The following CACNA1G variants were observed in gnomAD, a reference collection of about 807,000 sequenced individuals.
CACNA1G encodes the protein calcium voltage-gated channel subunit alpha1 G, also known as voltage-dependent T-type calcium channel subunit alpha-1G.
Under a neutral mutation model 219.4 loss-of-function variants are expected in CACNA1G, and 67 were observed. The observed-to-expected ratio is 0.31, with a 90% CI of 0.25 to 0.37. The LOEUF (loss-of-function observed/expected upper bound fraction) is 0.37, where lower values mean the gene tolerates loss of function less well. CACNA1G is among the 10% of genes least tolerant of loss of function. The pLI is 1.00. For synonymous variants in CACNA1G, 1,296 were observed against 1,345.3 expected, an observed-to-expected ratio of 0.96 and a Z score of 0.80; for missense variants, 2,380 against 3,231.4, an observed-to-expected ratio of 0.74 and a Z score of 6.39.
chr17:50,593,310 G>A (rs1171150597), intron 13 of CACNA1G, among the ~76,000 whole-genome samples: 1 of 152,232 alleles, frequency 6.6e-6, no homozygotes, highest in African/African-American at 2.4e-5. Context: ...AGTGAGGACC[G>A]GGCCCCCTGG....
chr17:50,618,044 C>T lies in CACNA1G; in HGVS notation c.5227-4C>T. The stretch of plus-strand genomic sequence containing the variant: ...TCGTTTCTATTTCTTCTCCTTTTTT[C>T]CAGGTGGGGAACCTGGGACTTCTCT... On this transcript the variant is annotated splice_region_variant and splice_polypyrimidine_tract_variant and intron_variant, in intron 30 of 37. Coordinates refer to ENST00000359106, the MANE Select transcript of CACNA1G (RefSeq NM_018896.5). This position sits in a 1 kb window ranked among gnomAD's most constrained non-coding sequence, Gnocchi z 5.3. The T allele has an allele frequency of 6.2e-6, 10 of 1,613,814 alleles. No individual in the cohort carries two copies. Among genetic ancestry groups the T allele is most frequent in the Non-Finnish European group, 8.5e-6 (10 of 1,179,808 alleles).
chr17:50,621,700 A>G lies in CACNA1G; in HGVS notation c.5966A>G (p.Glu1989Gly). Residue 1989 changes from glutamate (E) to glycine (G), a missense_variant, in exon 35 of 38, where the codon GAG (glutamate) becomes GGG (glycine). By Grantham distance (98) the Glu-to-Gly change is moderately conservative (BLOSUM62 -2). Around this residue, in one of 17 missense-constraint regions of CACNA1G, gnomAD observed 672 missense variants for 670.5 expected, o/e 1.00. Coordinates refer to ENST00000359106, the MANE Select transcript of CACNA1G (RefSeq NM_018896.5). This position sits in a 1 kb window ranked among gnomAD's most constrained non-coding sequence, Gnocchi z 4.6. ...AEMEALSLTS[E>G]IVSEPSCSLA... ...ATGGAGGCTCTGTCTCTGACGTCAG[A>G]GATTGTGTCTGAACCGTCCTGCTCT... 6.2e-7 allele frequency: 1 copy of G among 1,613,972 alleles called. No individual in the cohort carries two copies. Among genetic ancestry groups the G allele is most frequent in the Non-Finnish European group, 8.5e-7 (1 of 1,179,872 alleles).
At chr17:50,579,832 A>G (rs1277389113) in intron 9 of CACNA1G, among the ~76,000 whole-genome samples, 3 of 152,158 alleles carry the variant, frequency 2.0e-5, no homozygotes, top group Non-Finnish European at 4.4e-5. Flanking sequence ...AAAAGGTGGT[A>G]CAGGCAGGGT....
intron 1 of CACNA1G, among the ~76,000 whole-genome samples, chr17:50,564,596 G>A (rs569967949): frequency 1.3e-5 from 2 of 152,028 alleles, no homozygotes; most frequent in Admixed American, 1.3e-4. Context: ...GTCACTCTGT[G>A]TGTCTGAGTG....
intron 26 of CACNA1G, among the ~76,000 whole-genome samples, chr17:50,613,122 A>G (rs1352742475): frequency 2.0e-5 from 3 of 152,212 alleles, no homozygotes; most frequent in Non-Finnish European, 2.9e-5. Flanking sequence ...CCACCTGGCA[A>G]CTGGCGAGGG....
intron 26 of CACNA1G, among the ~76,000 whole-genome samples, chr17:50,613,774 A>T (rs918149456): frequency 5.3e-5 from 8 of 152,224 alleles, no homozygotes; most frequent in African/African-American, 1.9e-4. Flanking sequence ...CAGGGCGACT[A>T]GCGCCCTCTG....
chr17:50,626,739 C>G lies in CACNA1G; in HGVS notation c.7122C>G (p.Asp2374Glu), dbSNP rs751427428. Residue 2374 changes from aspartate to glutamate, a missense_variant, in exon 38 of 38, where the codon GAC becomes GAG. Coordinates refer to ENST00000359106, the MANE Select transcript of CACNA1G (RefSeq NM_018896.5). The surrounding 1 kb of genome is among the most constrained non-coding windows in gnomAD (Gnocchi z 4.3). ...CCGGTTTATCCTCTGACCCAGCAGACCTGGACCCCTGAGTCCTGCCCCACT... is the reference window on the plus strand; with the variant it reads ...CCGGTTTATCCTCTGACCCAGCAGAGCTGGACCCCTGAGTCCTGCCCCACT... The part of the protein sequence containing the change: ...SLSGLSSDPA[D>E]LDP 13 of 1,613,150 alleles carry G rather than the reference C, an allele frequency of 8.1e-6. No homozygotes were observed. Among genetic ancestry groups the G allele is most frequent in the Non-Finnish European group, 1.1e-5 (13 of 1,179,894 alleles).
Position 50,560,955 on chromosome 17 carries a change from A to C in CACNA1G, c.-505A>C. ...CCCACCCCCTCCAAGCCCACCCCTA[A>C]AGAGATCCCTCCTCCCCTCCCCCGC... On this transcript the variant is annotated 5_prime_UTR_variant, in exon 1 of 38. Transcript: ENST00000359106. The C allele has an allele frequency of 4.1e-6, 1 of 246,666 alleles. No homozygotes were observed. The highest frequency in any genetic ancestry group is 3.4e-5 in the South Asian group (1 of 29,498). The allele number at this position is 246,666 out of a possible 1,614,324, so 15.3% of individuals were successfully genotyped here. A position where few individuals can be genotyped will look rare whatever the true frequency, so the allele number is the denominator to read the frequency against.
At chr17:50,562,295 G>A (rs2036035713) in intron 1 of CACNA1G, among the ~76,000 whole-genome samples, 1 of 152,104 alleles carries the variant, frequency 6.6e-6, no homozygotes, top group South Asian at 2.1e-4. Context: ...AGGAGATGTT[G>A]GGGGGCGGGG....
At chr17:50,589,446 T>TTG (rs1044486445) in intron 9 of CACNA1G, among the ~76,000 whole-genome samples, 2 of 152,216 alleles carry the variant, frequency 1.3e-5, no homozygotes, top group Admixed American at 6.5e-5. Flanking sequence ...TTCAGCCGTT[T>TTG]TGTGTGTGTA....
chr17:50,616,040 A>C (rs1567752030), intron 27 of CACNA1G, among the ~76,000 whole-genome samples: 1 of 152,182 alleles, frequency 6.6e-6, no homozygotes, highest in South Asian at 2.1e-4. Flanking sequence ...TCTCCTCACC[A>C]TCTCCCAAGG....
chr17:50,612,504 C>A (rs2049434759), intron 26 of CACNA1G, among the ~76,000 whole-genome samples: 2 of 152,270 alleles, frequency 1.3e-5, no homozygotes, highest in South Asian at 4.1e-4. Flanking sequence ...CACTCACTCA[C>A]CCTCTTTCCT....
chr17:50,583,285 A>G (rs952524116), intron 9 of CACNA1G, among the ~76,000 whole-genome samples: 1 of 152,088 alleles, frequency 6.6e-6, no homozygotes, highest in Non-Finnish European at 1.5e-5. Context: ...TTCAAAGGCT[A>G]TCTGGTGTGG....
chr17:50,614,153 C>G (rs1198269010), intron 26 of CACNA1G, among the ~76,000 whole-genome samples: 3 of 152,212 alleles, frequency 2.0e-5, no homozygotes, highest in African/African-American at 7.2e-5. Context: ...GGGCCCACCC[C>G]AGGCCGCTCC....
At position 50,596,148 on chromosome 17, in the gene CACNA1G, C is replaced by G. The variant is rs1383626751; in HGVS notation, c.2980-414C>G. On this transcript the variant is annotated intron_variant, in intron 14 of 37. Coordinates refer to ENST00000359106, the MANE Select transcript of CACNA1G (RefSeq NM_018896.5). This position sits in a 1 kb window ranked among gnomAD's most constrained non-coding sequence, Gnocchi z 4.8. ...AGTCTGAGGCTCAGGGGAGGGGAGC[C>G]GTGGAGAGAAAGCAAAGGGCCTCCA... Among the ~76,000 whole-genome samples the G allele has an allele frequency of 1.3e-5, 2 of 152,084 alleles. No individual in the cohort carries two copies. The highest frequency in any genetic ancestry group is 2.1e-4 in the South Asian group (1 of 4,832).
intron 26 of CACNA1G, among the ~76,000 whole-genome samples, chr17:50,611,840 C>T (rs1435536732): frequency 1.3e-5 from 2 of 152,316 alleles, no homozygotes; most frequent in Non-Finnish European, 1.5e-5. Flanking sequence ...ACGTGACTCA[C>T]CCACTCAGTG....
At position 50,569,313 on chromosome 17, in the gene CACNA1G, T is replaced by C. The variant is rs747761401; in HGVS notation, c.488+15T>C. 11 of 1,612,980 alleles carry C rather than the reference T, an allele frequency of 6.8e-6. No homozygotes were observed. The South Asian group carries it at 1.1e-4, about 16-fold the overall frequency. ...GTCATCGCAGGGTGAGGACCTGGGC[T>C]GGGGTGGGAGAGCAATGGATCAGAT... On this transcript the variant is annotated intron_variant, in intron 3 of 37. Transcript: ENST00000359106.
rs1393722181 is a variant in CACNA1G, at chr17:50,572,560, G to A, written c.753G>A (p.Leu251=). The A allele has an allele frequency of 6.5e-6, 10 of 1,540,096 alleles. No homozygotes were observed. The highest frequency in any genetic ancestry group is 8.8e-6 in the Non-Finnish European group (10 of 1,141,408). The change falls in exon 6 of 38, where the codon CTG becomes CTA. Residue 251 remains leucine, a synonymous_variant. Transcript: ENST00000359106. ...TCCCCTTCCCATCCTGCAGCCCCCT[G>A]AGCGTGGACCTGGAGCGCTATTACC... is the stretch of plus-strand genomic sequence containing the variant. ...CFLPENFSLP[L]SVDLERYYQT...
At chr17:50,565,661 C>T (rs1161856704) in intron 1 of CACNA1G, among the ~76,000 whole-genome samples, 3 of 152,150 alleles carry the variant, frequency 2.0e-5, no homozygotes, top group African/African-American at 7.2e-5. Flanking sequence ...CTTCTCAGCC[C>T]ATGCCCAGAG....
Sources: gnomAD v4.1 joint callset for allele counts (sites outside exome capture counted in the v4.1 genomes callset) on GRCh38, gnomAD v4.1.1 for gene constraint, gnomAD v4.1.1 regional missense constraint, Gnocchi (gnomAD v3.1) non-coding constraint, MANE v1.5 for transcripts, NCBI Gene and HGNC (gene_info 2026-07-23, HGNC 2026-07-21) for gene names.